PANX1: variants seen among roughly 807,000 people sequenced by gnomAD.
The protein encoded by PANX1 is pannexin 1.
PANX1 carries 30 observed loss-of-function variants against 38.7 expected under a neutral mutation model. The ratio of observed to expected loss-of-function variants is 0.78; its 90% CI spans 0.58 to 1.05. PANX1 has a LOEUF of 1.05. Among genes scored for constraint, PANX1 ranks in the 50% least tolerant of loss-of-function variants. The pLI is 0.00. For missense variants in PANX1, 551 were observed against 517.2 expected (o/e 1.07, Z -0.63); for synonymous variants, 230 against 212.2 (o/e 1.08, Z -0.73).
intron 2 of PANX1, among the ~76,000 whole-genome samples, chr11:94,155,217 A>G (rs754834063): frequency 6.6e-6 from 1 of 152,000 alleles, no homozygotes; most frequent in Admixed American, 6.6e-5. Flanking sequence ...TGGGTGTGGT[A>G]CGGGTGCCTG....
intron 1 of PANX1, among the ~76,000 whole-genome samples, chr11:94,150,548 C>T (rs902785656): frequency 2.5e-4 from 38 of 152,248 alleles, no homozygotes; most frequent in African/African-American, 8.9e-4. Context: ...TGGCCCCCGG[C>T]CCCCTGGCAG....
chr11:94,130,786 TG>T (rs1299620433), intron 1 of PANX1, among the ~76,000 whole-genome samples: 1 of 152,152 alleles, frequency 6.6e-6, no homozygotes, highest in Non-Finnish European at 1.5e-5. Flanking sequence ...GTTGTATGTC[TG>T]GGTGAGTGGA....
In PANX1 at chr11:94,179,750, G is replaced by T. The variant is rs533260927; in HGVS notation, c.694G>T (p.Gly232Cys). 6.2e-7 allele frequency: 1 copy of T among 1,614,018 alleles called. No individual in the cohort carries two copies. Among genetic ancestry groups the T allele is most frequent in the African/African-American group, 1.3e-5 (1 of 74,976 alleles). ...TATACTGTTAGCGTGTATCTACCTG[G>T]GCTATTACTTCAGCCTCTCCTCACT... The part of the protein sequence containing the change: ...IIILLACIYL[G>C]YYFSLSSLSD... Residue 232 changes from glycine to cysteine, a missense_variant, in exon 4 of 5, where the codon GGC (glycine) becomes TGC (cysteine). Transcript: ENST00000227638.
intron 1 of PANX1, among the ~76,000 whole-genome samples, chr11:94,137,421 G>A (rs929228118): frequency 1.3e-5 from 2 of 152,142 alleles, no homozygotes; most frequent in East Asian, 3.9e-4. Flanking sequence ...TCTGCAGCTG[G>A]TTGCTTTCTT....
At chr11:94,169,171 G>A (rs1437710123) in intron 2 of PANX1, among the ~76,000 whole-genome samples, 1 of 151,550 alleles carries the variant, frequency 6.6e-6, no homozygotes, top group Non-Finnish European at 1.5e-5. Context: ...AGGAGTGGAT[G>A]GTGTTTCTTA....
At chr11:94,134,631 T>C (rs376915066) in intron 1 of PANX1, among the ~76,000 whole-genome samples, 189 of 150,516 alleles carry the variant, frequency 1.3e-3, no homozygotes, top group African/African-American at 4.1e-3. Context: ...AATCCCTCTT[T>C]CTCTCCCCCC....
chr11:94,146,929 G>C (rs987627327), intron 1 of PANX1, among the ~76,000 whole-genome samples: 1 of 152,174 alleles, frequency 6.6e-6, no homozygotes, highest in African/African-American at 2.4e-5. Context: ...ATTATTTAAA[G>C]AGAATGTCCT....
intron 1 of PANX1, among the ~76,000 whole-genome samples, chr11:94,141,397 C>G (rs1319710537): frequency 6.6e-6 from 1 of 152,106 alleles, no homozygotes; most frequent in Admixed American, 6.5e-5. Context: ...TTTCATGAGA[C>G]ACACATTTCT....
chr11:94,129,174 A>G lies in PANX1; in HGVS notation c.-139A>G. The stretch of plus-strand genomic sequence containing the variant: ...CTGGGAGCCTGAGGCACCGAGACAC[A>G]AAGGCAGGCGGGATGCGGGAGCAGG... On this transcript the variant is annotated 5_prime_UTR_variant, in exon 1 of 5. Transcript: ENST00000227638. 2 of 632,232 alleles carry G rather than the reference A, an allele frequency of 3.2e-6. No individual in the cohort carries two copies. Among genetic ancestry groups the G allele is most frequent in the Non-Finnish European group, 5.2e-6 (2 of 386,602 alleles). The allele number at this position is 632,232 out of a possible 1,614,324, so 39.2% of individuals were successfully genotyped here.
chr11:94,164,425 T>G (rs181248108), intron 2 of PANX1, among the ~76,000 whole-genome samples: 1 of 152,206 alleles, frequency 6.6e-6, no homozygotes, highest in Non-Finnish European at 1.5e-5. Flanking sequence ...TTTCAAGAAA[T>G]TTTTAAACTT....
At chr11:94,147,988 C>T (rs1288350392) in intron 1 of PANX1, among the ~76,000 whole-genome samples, 2 of 152,042 alleles carry the variant, frequency 1.3e-5, no homozygotes, top group African/African-American at 4.8e-5. Context: ...GGTGTTAGCC[C>T]TGATGTGTTC....
rs146454943 is a variant in PANX1, at chr11:94,172,278, C to A, written c.322-6091C>A. On this transcript the variant is annotated intron_variant, in intron 2 of 4. Transcript: ENST00000227638. ...AGATTCTGATGTGAGCCCATCTTGC[C>A]GTACAATGTGGGCACCACCCATCTA... Among the ~76,000 whole-genome samples the A allele has an allele frequency of 9.1e-5, 13 of 142,254 alleles. No homozygotes were observed. In the East Asian group the frequency reaches 2.7e-3, roughly 30 times the overall value. 93.3% of individuals were successfully genotyped at this position (142,254 alleles called of 152,430 possible).
At position 94,181,004 on chromosome 11, in the gene PANX1, G is replaced by C; in HGVS notation, c.*135G>C. On this transcript the variant is annotated 3_prime_UTR_variant, in exon 5 of 5. Transcript: ENST00000227638. ...GGAGATACTGAGCATGTCTTATTGA[G>C]TCCCTAATGGAAATGGTGATCAACA... 1.6e-6 allele frequency: 1 copy of C among 625,638 alleles called. No individual in the cohort carries two copies. The highest frequency in any genetic ancestry group is 2.9e-6 in the Non-Finnish European group (1 of 346,724). 38.8% of individuals were successfully genotyped at this position (625,638 alleles called of 1,614,324 possible). A position where few individuals can be genotyped will look rare whatever the true frequency, so the allele number is the denominator to read the frequency against.
intron 2 of PANX1, among the ~76,000 whole-genome samples, chr11:94,159,221 G>A (rs532337975): frequency 6.6e-6 from 1 of 151,866 alleles, no homozygotes; most frequent in African/African-American, 2.4e-5. Context: ...TTTTTTTGTT[G>A]TTGTGTCTCT....
In PANX1 at chr11:94,134,040, A is replaced by C. The variant is rs571524610; in HGVS notation, c.181+4547A>C. ...ACACCTGCCTCTGATGATAGCAGTA[A>C]AGGATGCACATCGTCATGATAGGTA... On this transcript the variant is annotated intron_variant, in intron 1 of 4. Transcript: ENST00000227638. Among the ~76,000 whole-genome samples, 7 of 152,316 alleles carry C rather than the reference A, an allele frequency of 4.6e-5. No homozygotes were observed. In the East Asian group the frequency reaches 1.4e-3, roughly 29 times the overall value.
At chr11:94,176,948 G>A (rs141819801) in intron 2 of PANX1, among the ~76,000 whole-genome samples, 3 of 151,742 alleles carry the variant, frequency 2.0e-5, no homozygotes, top group South Asian at 4.1e-4. Flanking sequence ...TGAACATAAC[G>A]TGTCCACCTA....
intron 1 of PANX1, among the ~76,000 whole-genome samples, chr11:94,143,658 A>G (rs1946790982): frequency 6.6e-6 from 1 of 152,198 alleles, no homozygotes; most frequent in Non-Finnish European, 1.5e-5. Context: ...TTTTAAAGCA[A>G]CATTCAGGAA....
At chr11:94,133,106 C>A (rs532911131) in intron 1 of PANX1, among the ~76,000 whole-genome samples, 2 of 152,352 alleles carry the variant, frequency 1.3e-5, no homozygotes, top group Admixed American at 1.3e-4. Context: ...GGCATAGCAG[C>A]AGGCTGATCT....
At chr11:94,149,602 T>A (rs1946863600) in intron 1 of PANX1, among the ~76,000 whole-genome samples, 1 of 152,250 alleles carries the variant, frequency 6.6e-6, no homozygotes, top group African/African-American at 2.4e-5. Context: ...AGTAGTATTC[T>A]TTGTTGTTCT....
Sources: allele counts gnomAD v4.1 joint callset (sites outside exome capture counted in the v4.1 genomes callset), GRCh38; gene constraint gnomAD v4.1.1; transcripts MANE v1.5; gene names NCBI Gene and HGNC (gene_info 2026-07-23, HGNC 2026-07-21).